The following RPS6KC1 variants were observed in gnomAD, a reference collection of about 807,000 sequenced individuals.
RPS6KC1 encodes the protein ribosomal protein S6 kinase C1, also known as inactive ribosomal protein S6 kinase delta-1.
Under a neutral mutation model 103.8 loss-of-function variants are expected in RPS6KC1, and 54 were observed. The observed-to-expected ratio is 0.52, with a 90% confidence interval of 0.42 to 0.65. The LOEUF (loss-of-function observed/expected upper bound fraction) is 0.65, where lower values mean the gene tolerates loss of function less well. Ranked by LOEUF, RPS6KC1 falls within the 30% of genes least tolerant of loss-of-function variation. RPS6KC1 has a pLI of 0.00. For synonymous variants in RPS6KC1, 439 were observed against 438.7 expected, an observed-to-expected ratio of 1.00 and a Z score of -0.01; for missense variants, 1,151 against 1,253.8, an observed-to-expected ratio of 0.92 and a Z score of 1.24.
At chr1:213,184,704 T>G (rs1215575092) in intron 8 of RPS6KC1, among the ~76,000 whole-genome samples, 2 of 152,202 alleles carry the variant, frequency 1.3e-5, no homozygotes, top group African/African-American at 4.8e-5. Flanking sequence ...CCATTTTCAT[T>G]TGTTTCGAGA....
the RPS6KC1 span, among the ~76,000 whole-genome samples, chr1:213,347,653 A>T: frequency 6.6e-6 from 1 of 152,194 alleles, no homozygotes; most frequent in Non-Finnish European, 1.5e-5. Flanking sequence ...ACAGTGAGCT[A>T]TGATCACAGC....
At chr1:213,366,647 A>G in the RPS6KC1 span, among the ~76,000 whole-genome samples, 1 of 152,218 alleles carries the variant, frequency 6.6e-6, no homozygotes, top group Non-Finnish European at 1.5e-5. Flanking sequence ...AGTGGGCTGG[A>G]TTATAAAGCA....
At chr1:213,090,775 AC>A (rs2080890110) in intron 3 of RPS6KC1, among the ~76,000 whole-genome samples, 1 of 152,188 alleles carries the variant, frequency 6.6e-6, no homozygotes, top group Admixed American at 6.5e-5. Flanking sequence ...ATTAATATTT[AC>A]CATACTAGAA....
At chr1:213,546,628 G>A in the RPS6KC1 span, among the ~76,000 whole-genome samples, 1 of 152,026 alleles carries the variant, frequency 6.6e-6, no homozygotes. Context: ...TTAGGATTTT[G>A]GCAGTGTGCC....
At position 213,185,795 on chromosome 1, in the gene RPS6KC1, TTCTG is replaced by T. The variant is rs1251579491; in HGVS notation, c.1044+9311_1044+9314del. Among the ~76,000 whole-genome samples, 3 of 152,044 alleles carry T rather than the reference TTCTG, an allele frequency of 2.0e-5. No homozygotes were observed. In the South Asian group the frequency reaches 6.2e-4, roughly 31 times the overall value. Reference sequence around the variant, plus strand: ...TCTTTTTTCTTGTCTTCCTTTGTGGTTCTGTCTGTCTTTGTGGGTAAGTACTTTT... The same window carrying T: ...TCTTTTTTCTTGTCTTCCTTTGTGGTTCTGTCTTTGTGGGTAAGTACTTTT... On this transcript the variant is annotated intron_variant, in intron 8 of 14. Coordinates refer to ENST00000366960, the MANE Select transcript of RPS6KC1 (RefSeq NM_012424.6).
chr1:213,310,809 T>C, the RPS6KC1 span, among the ~76,000 whole-genome samples: 2 of 152,254 alleles, frequency 1.3e-5, no homozygotes, highest in Non-Finnish European at 2.9e-5. Flanking sequence ...AGAATTTGTC[T>C]TAAAATTCAG....
At chr1:213,709,901 C>T in the RPS6KC1 span, among the ~76,000 whole-genome samples, 3 of 152,012 alleles carry the variant, frequency 2.0e-5, no homozygotes, top group Non-Finnish European at 4.4e-5. Context: ...TTATGATTTC[C>T]ATTCTTTTGC....
At chr1:213,066,157 G>C (rs539196970) in intron 1 of RPS6KC1, among the ~76,000 whole-genome samples, 1 of 152,292 alleles carries the variant, frequency 6.6e-6, no homozygotes, top group South Asian at 2.1e-4. Flanking sequence ...TATTAGCACA[G>C]ATATAGACTG....
chr1:213,611,316 C>T, the RPS6KC1 span, among the ~76,000 whole-genome samples: 2 of 152,042 alleles, frequency 1.3e-5, no homozygotes, highest in East Asian at 1.9e-4. Flanking sequence ...TTCTTGGGAC[C>T]GAGCTGCCCC....
At chr1:213,197,447 T>C (rs2092993619) in intron 8 of RPS6KC1, among the ~76,000 whole-genome samples, 1 of 152,244 alleles carries the variant, frequency 6.6e-6, no homozygotes, top group African/African-American at 2.4e-5. Flanking sequence ...TTTCGTGTCA[T>C]CTGTGATTTC....
At chr1:213,828,907 G>A in the RPS6KC1 span, among the ~76,000 whole-genome samples, 5 of 152,178 alleles carry the variant, frequency 3.3e-5, no homozygotes, top group Non-Finnish European at 7.4e-5. Context: ...ACCTAGTGGG[G>A]AAATGTAATC....
intron 3 of RPS6KC1, among the ~76,000 whole-genome samples, chr1:213,080,995 A>C (rs2079824843): frequency 6.6e-6 from 1 of 152,264 alleles, no homozygotes; most frequent in African/African-American, 2.4e-5. Context: ...GTGTAAGTGA[A>C]GTCTCTGTTT....
At chr1:213,089,292 C>T (rs938227970) in intron 3 of RPS6KC1, among the ~76,000 whole-genome samples, 2 of 152,068 alleles carry the variant, frequency 1.3e-5, no homozygotes, top group African/African-American at 4.8e-5. Flanking sequence ...TGCTTTTGGC[C>T]TTTGACCTTA....
At chr1:213,098,510 A>G (rs1352355020) in intron 3 of RPS6KC1, among the ~76,000 whole-genome samples, 1 of 152,040 alleles carries the variant, frequency 6.6e-6, no homozygotes, top group Non-Finnish European at 1.5e-5. Context: ...CTTAGAGGCC[A>G]TTGTAGAGGT....
the RPS6KC1 span, among the ~76,000 whole-genome samples, chr1:213,714,169 G>T: frequency 1.3e-5 from 2 of 152,168 alleles, no homozygotes; most frequent in Admixed American, 6.5e-5. Flanking sequence ...AATGTCACCA[G>T]AAAAATAGAT....
At chr1:213,723,653 G>A in the RPS6KC1 span, among the ~76,000 whole-genome samples, 1 of 152,108 alleles carries the variant, frequency 6.6e-6, no homozygotes, top group African/African-American at 2.4e-5. Flanking sequence ...TGAATTTGGG[G>A]AGATATAATT....
At chr1:213,226,222 C>CA (rs11442353) in intron 8 of RPS6KC1, among the ~76,000 whole-genome samples, 65,994 of 127,236 alleles carry the variant, frequency 0.52, 17,752 homozygotes, top group Non-Finnish European at 0.64. Context: ...GACTCTGTCT[C>CA]AAAAAAAAAA....
At chr1:213,550,493 A>G in the RPS6KC1 span, among the ~76,000 whole-genome samples, 5 of 152,096 alleles carry the variant, frequency 3.3e-5, no homozygotes, top group African/African-American at 1.2e-4. Flanking sequence ...GAGACTGCAG[A>G]TTGAAGCTTG....
chr1:213,795,276 G>A, the RPS6KC1 span, among the ~76,000 whole-genome samples: 1 of 152,154 alleles, frequency 6.6e-6, no homozygotes, highest in African/African-American at 2.4e-5. Context: ...AGACATTCTG[G>A]AATAGGACTT....
Sources: gnomAD v4.1 joint callset for allele counts (sites outside exome capture counted in the v4.1 genomes callset) on GRCh38, gnomAD v4.1.1 for gene constraint, MANE v1.5 for transcripts, NCBI Gene and HGNC (gene_info 2026-07-23, HGNC 2026-07-21) for gene names.